The following PRSS12 variants were observed in gnomAD, a reference collection of about 807,000 sequenced individuals.
PRSS12 encodes neurotrypsin.
In PRSS12, 85 loss-of-function variants were observed where a neutral mutation model predicts 104.4. The observed-to-expected ratio is 0.81, with a 90% CI of 0.68 to 0.98. PRSS12 has a LOEUF of 0.98. Among genes scored for constraint, PRSS12 ranks in the 50% least tolerant of loss-of-function variants. PRSS12 has a pLI of 0.00. For missense variants in PRSS12, 1,141 were observed against 1,139.2 expected, an observed-to-expected ratio of 1.00 and a Z score of -0.02; for synonymous variants, 454 against 425.2, an observed-to-expected ratio of 1.07 and a Z score of -0.83.
At chr4:118,307,645 G>A (rs957477442) in intron 8 of PRSS12, among the ~76,000 whole-genome samples, 1 of 152,090 alleles carries the variant, frequency 6.6e-6, no homozygotes. Context: ...CCCAGCTGAG[G>A]TCTAACCAAC....
At chr4:118,324,581 GC>G (rs1723716998) in intron 4 of PRSS12, among the ~76,000 whole-genome samples, 1 of 151,966 alleles carries the variant, frequency 6.6e-6, no homozygotes. Context: ...TTTGAACTTG[GC>G]CCGTTCCTTA....
intron 4 of PRSS12, among the ~76,000 whole-genome samples, chr4:118,318,810 A>G (rs1723524363): frequency 6.6e-6 from 1 of 152,180 alleles, no homozygotes; most frequent in Admixed American, 6.6e-5. Flanking sequence ...ATGGAACTTC[A>G]GATTTTTAGG....
intron 1 of PRSS12, among the ~76,000 whole-genome samples, chr4:118,344,128 A>T (rs1208933144): frequency 1.3e-5 from 2 of 152,202 alleles, no homozygotes; most frequent in African/African-American, 2.4e-5. Context: ...TGTGAGTGAT[A>T]CAGAAATTTC....
intron 1 of PRSS12, among the ~76,000 whole-genome samples, chr4:118,343,578 A>C (rs776279155): frequency 2.0e-5 from 3 of 152,156 alleles, no homozygotes; most frequent in Non-Finnish European, 2.9e-5. Flanking sequence ...ATAACATAGC[A>C]AGACCCCACC....
At position 118,352,694 on chromosome 4, in the gene PRSS12, G is replaced by C; in HGVS notation, c.27C>G (p.Ala9=). 1.2e-6 allele frequency: 2 copies of C among 1,613,218 alleles called. No homozygotes were observed. The highest frequency in any genetic ancestry group is 1.7e-6 in the Non-Finnish European group (2 of 1,179,486). Residue 9 remains alanine (A), a synonymous_variant, in exon 1 of 13, where the codon GCC becomes GCG. Coordinates refer to ENST00000296498, the MANE Select transcript of PRSS12 (RefSeq NM_003619.4). ...CTTCGGGGAGCGCCCCTAACATCAG[G>C]GCTAGCACGAAGCGGGCGAGCGTCA... MTLARFVL[A]LMLGALPEVV... is the part of the protein sequence containing the mutation.
chr4:118,313,395 T>C lies in PRSS12; in HGVS notation c.1295A>G (p.Tyr432Cys), dbSNP rs1273801524. The change falls in exon 7 of 13, where the codon TAT becomes TGT. Residue 432 changes from tyrosine (Y) to cysteine (C), a missense_variant and splice_region_variant. Coordinates refer to ENST00000296498, the MANE Select transcript of PRSS12 (RefSeq NM_003619.4). ...YVVCRQLGFK[Y>C]GKQASANHFE... ...ATGGTTGGCAGATGCTTGTTTACCA[T>C]ATCTGTGACAATTGAATAAACACTG... The C allele has an allele frequency of 6.2e-7, 1 of 1,613,934 alleles. No individual in the cohort carries two copies. Among genetic ancestry groups the C allele is most frequent in the East Asian group, 2.2e-5 (1 of 44,868 alleles).
chr4:118,299,514 A>T (rs1743338206), intron 8 of PRSS12, among the ~76,000 whole-genome samples: 1 of 151,718 alleles, frequency 6.6e-6, no homozygotes, highest in Non-Finnish European at 1.5e-5. Context: ...AACCGTTTCT[A>T]CTAAAAATAC....
At chr4:118,324,113 T>C (rs1364762829) in intron 4 of PRSS12, among the ~76,000 whole-genome samples, 1 of 151,986 alleles carries the variant, frequency 6.6e-6, no homozygotes, top group African/African-American at 2.4e-5. Context: ...TTGCCCAGTC[T>C]GGTCTCAAAC....
rs535801422 is a variant in PRSS12, at chr4:118,335,489, C to A, written c.804G>T (p.Thr268=). The change falls in exon 3 of 13, where the codon ACG becomes ACT. Residue 268 remains threonine (T), a synonymous_variant. Coordinates refer to ENST00000296498, the MANE Select transcript of PRSS12 (RefSeq NM_003619.4). Reference sequence around the variant, plus strand: ...TTTTTTTACCATGGGAAAAGCTACACGTGACAGCAGCTGCCATCTTCTGAG... The same window carrying A: ...TTTTTTTACCATGGGAAAAGCTACAAGTGACAGCAGCTGCCATCTTCTGAG... ...VCPQKMAAAV[T]CSFSHGPTFP... 1.2e-6 allele frequency: 2 copies of A among 1,613,824 alleles called. No individual in the cohort carries two copies. Among genetic ancestry groups the A allele is most frequent in the Non-Finnish European group, 1.7e-6 (2 of 1,179,904 alleles).
At position 118,295,052 on chromosome 4, in the gene PRSS12, C is replaced by T; in HGVS notation, c.1926G>A (p.Trp642Ter). The change falls in exon 11 of 13, where the codon TGG becomes TGA. Residue 642 changes from tryptophan (W) to a stop codon, truncating the protein, a stop_gained. Transcript: ENST00000296498. LOFTEE classifies it high-confidence loss of function. ...IGGKNSLRGG[W>*]PWQVSLRLKS... ...TCAGCCGGAGGGAAACCTGCCAAGG[C>T]CAACCACCCCTAAGAAGAAAATGAG... is the stretch of plus-strand genomic sequence containing the variant. The T allele has an allele frequency of 1.2e-6, 2 of 1,613,952 alleles. No individual in the cohort carries two copies. The highest frequency in any genetic ancestry group is 1.7e-6 in the Non-Finnish European group (2 of 1,179,986).
rs764678904 is a variant in PRSS12 at position 118,313,196 on chromosome 4, C to T, written c.1489+5G>A. On this transcript the variant is annotated splice_donor_5th_base_variant and intron_variant, in intron 7 of 12. Coordinates refer to ENST00000296498, the MANE Select transcript of PRSS12 (RefSeq NM_003619.4). ...GGAAACTTGAGAGCTGCAGCCAGTC[C>T]TCACCCAGAGAGAGCCTGTGTCCCT... 1 of 1,612,682 alleles carries T rather than the reference C, an allele frequency of 6.2e-7. No homozygotes were observed. Among genetic ancestry groups the T allele is most frequent in the Non-Finnish European group, 8.5e-7 (1 of 1,179,768 alleles).
intron 6 of PRSS12, among the ~76,000 whole-genome samples, chr4:118,315,136 G>A (rs181100466): frequency 1.2e-4 from 18 of 152,118 alleles, no homozygotes; most frequent in African/African-American, 4.3e-4. Flanking sequence ...GAAAAATTAA[G>A]CTGACCTAAT....
chr4:118,352,501 C>A lies in PRSS12; in HGVS notation c.220G>T (p.Ala74Ser), dbSNP rs1164241442. Residue 74 changes from alanine to serine, a missense_variant, in exon 1 of 13, where the codon GCC becomes TCC. By Grantham distance (99) the Ala-to-Ser change is moderately conservative. Transcript: ENST00000296498. The stretch of plus-strand genomic sequence containing the variant: ...GCCTGGAGGGCGTGCGGGCGCTGGG[C>A]AGGGAGCGCCCGCGGGGGGCGCGGG... ...RFPRPPRALP[A>S]QRPHALQAGH... is the part of the protein sequence containing the mutation. 2.1e-6 allele frequency: 3 copies of A among 1,432,508 alleles called. No individual in the cohort carries two copies. Among genetic ancestry groups the A allele is most frequent in the Non-Finnish European group, 2.7e-6 (3 of 1,093,068 alleles). 88.7% of individuals were successfully genotyped at this position (1,432,508 alleles called of 1,614,324 possible). A position where few individuals can be genotyped will look rare whatever the true frequency, so the allele number is the denominator to read the frequency against.
intron 8 of PRSS12, among the ~76,000 whole-genome samples, chr4:118,304,558 C>T (rs1439395577): frequency 2.6e-5 from 4 of 151,754 alleles, no homozygotes; most frequent in South Asian, 2.1e-4. Flanking sequence ...AGGATTAATA[C>T]GCTAACAAAC....
chr4:118,315,626 G>A (rs1743885495), intron 6 of PRSS12, among the ~76,000 whole-genome samples: 1 of 152,150 alleles, frequency 6.6e-6, no homozygotes, highest in Admixed American at 6.5e-5. Flanking sequence ...CTTTACTCTG[G>A]AATGCATTAT....
At chr4:118,297,400 T>C (rs1354557645) in intron 9 of PRSS12, among the ~76,000 whole-genome samples, 1 of 152,146 alleles carries the variant, frequency 6.6e-6, no homozygotes, top group Non-Finnish European at 1.5e-5. Context: ...CCATTTGTAA[T>C]GGTAATTTAA....
chr4:118,336,516 C>T (rs867814952), intron 2 of PRSS12, among the ~76,000 whole-genome samples: 3 of 152,132 alleles, frequency 2.0e-5, no homozygotes, highest in Non-Finnish European at 4.4e-5. Flanking sequence ...GTAAATGTGT[C>T]TTCACAGCAA....
intron 11 of PRSS12, among the ~76,000 whole-genome samples, chr4:118,284,705 G>A (rs1176866413): frequency 6.6e-6 from 1 of 151,922 alleles, no homozygotes; most frequent in African/African-American, 2.4e-5. Flanking sequence ...TATCTGGCTT[G>A]GGTTCTACCG....
chr4:118,283,263 C>G, intron 11 of PRSS12, 152 bp from the exon 12 acceptor site: 1 of 937,476 alleles, frequency 1.1e-6, no homozygotes. Context: ...ACCCACCATT[C>G]CTGATCCTCT....
Sources: allele counts gnomAD v4.1 joint callset (sites outside exome capture counted in the v4.1 genomes callset), GRCh38; gene constraint gnomAD v4.1.1; transcripts MANE v1.5; gene names NCBI Gene and HGNC (gene_info 2026-07-23, HGNC 2026-07-21).